Variants in SORCS3 observed in about 807,000 individuals in gnomAD.
SORCS3 encodes sortilin related VPS10 domain containing receptor 3.
In SORCS3, 57 loss-of-function variants were observed where a neutral mutation model predicts 146.3. The observed-to-expected ratio is 0.39, with a 90% CI of 0.31 to 0.49. The LOEUF (loss-of-function observed/expected upper bound fraction) is 0.49, where lower values mean the gene tolerates loss of function less well. SORCS3 is among the 20% of genes least tolerant of loss of function. The pLI is 0.92. For synonymous variants in SORCS3, 653 were observed against 618.5 expected (o/e 1.06, Z -0.83); for missense variants, 1,341 against 1,575.5 (o/e 0.85, Z 2.52).
intron 2 of SORCS3, among the ~76,000 whole-genome samples, chr10:104,856,351 T>G (rs570853748): frequency 1.1e-4 from 16 of 150,434 alleles, no homozygotes; most frequent in African/African-American, 3.2e-4. Flanking sequence ...TATTTATATA[T>G]ATAGAGAGAA....
Position 104,757,684 on chromosome 10 carries a change from T to C in SORCS3, c.628-85108T>C, listed in dbSNP as rs552932315. Among the ~76,000 whole-genome samples, 12 of 152,258 alleles carry C rather than the reference T, an allele frequency of 7.9e-5. No homozygotes were observed. The South Asian group carries it at 2.5e-3, about 32-fold the overall frequency. ...GGTGGCTTGAAATTCAGTTCGGGGG[T>C]GTGAACTTTCTCTTCATTTTTTTCT... On this transcript the variant is annotated intron_variant, in intron 1 of 26. Transcript: ENST00000369701.
intron 2 of SORCS3, among the ~76,000 whole-genome samples, chr10:104,874,938 C>T (rs1332525478): frequency 6.6e-6 from 1 of 152,156 alleles, no homozygotes; most frequent in Non-Finnish European, 1.5e-5. Context: ...ACTACCTTAC[C>T]ATAATAACTT....
At position 104,863,409 on chromosome 10, in the gene SORCS3, G is replaced by C. The variant is rs141358148; in HGVS notation, c.695+20550G>C. ...TCCTCTTACGCATTTTTAGGACCTAGGATGTGTTCTGTTTTCTCCCATAGC... is the reference window on the plus strand; with the variant it reads ...TCCTCTTACGCATTTTTAGGACCTACGATGTGTTCTGTTTTCTCCCATAGC... On this transcript the variant is annotated intron_variant, in intron 2 of 26. Coordinates refer to ENST00000369701, the MANE Select transcript of SORCS3 (RefSeq NM_014978.3). 3.3e-3 allele frequency among the ~76,000 whole-genome samples: 507 copies of C among 152,274 alleles called. 2 individuals are homozygous for C. Among genetic ancestry groups the C allele is most frequent in the South Asian group, 0.018 (88 of 4,820 alleles).
At chr10:104,730,166 G>A (rs1354338780) in intron 1 of SORCS3, among the ~76,000 whole-genome samples, 1 of 152,166 alleles carries the variant, frequency 6.6e-6, no homozygotes, top group East Asian at 1.9e-4. Context: ...CATGTGAGAT[G>A]TATGCATATA....
intron 2 of SORCS3, among the ~76,000 whole-genome samples, chr10:104,894,643 C>T (rs1021909443): frequency 7.9e-5 from 12 of 152,060 alleles, no homozygotes; most frequent in African/African-American, 1.4e-4. Context: ...GACCCATGCA[C>T]GAGGTATTTC....
At chr10:104,944,299 G>A (rs2019348155) in intron 3 of SORCS3, among the ~76,000 whole-genome samples, 1 of 152,108 alleles carries the variant, frequency 6.6e-6, no homozygotes, top group Admixed American at 6.6e-5. Flanking sequence ...CATGACTTCT[G>A]TATGGGCAAA....
At chr10:105,142,552 G>T (rs1312186777) in intron 8 of SORCS3, among the ~76,000 whole-genome samples, 2 of 152,136 alleles carry the variant, frequency 1.3e-5, no homozygotes, top group Non-Finnish European at 2.9e-5. Flanking sequence ...TTGAGCTTGT[G>T]TAACCAATGG....
chr10:104,883,900 G>A (rs991103405), intron 2 of SORCS3, among the ~76,000 whole-genome samples: 1 of 151,076 alleles, frequency 6.6e-6, no homozygotes, highest in Non-Finnish European at 1.5e-5. Flanking sequence ...TGACTCCTGG[G>A]TTTTCTTTTT....
chr10:104,778,686 G>A (rs2017340112), intron 1 of SORCS3, among the ~76,000 whole-genome samples: 3 of 152,172 alleles, frequency 2.0e-5, no homozygotes. Context: ...AATATCCCAG[G>A]CACCGTGTTA....
At chr10:104,944,811 T>C (rs57695054) in intron 3 of SORCS3, among the ~76,000 whole-genome samples, 17,229 of 152,160 alleles carry the variant, frequency 0.11, 1,542 homozygotes, top group African/African-American at 0.26. Flanking sequence ...GCTGAATATA[T>C]ACACACCCTG....
At chr10:104,862,567 A>C (rs2018416617) in intron 2 of SORCS3, among the ~76,000 whole-genome samples, 1 of 151,896 alleles carries the variant, frequency 6.6e-6, no homozygotes, top group African/African-American at 2.4e-5. Flanking sequence ...ATTTCTTCAT[A>C]TGGACTTTTC....
chr10:105,067,970 C>T (rs971807752), intron 5 of SORCS3, among the ~76,000 whole-genome samples: 3 of 151,924 alleles, frequency 2.0e-5, no homozygotes, highest in Non-Finnish European at 4.4e-5. Flanking sequence ...GACACATTTC[C>T]CCACTCTCAT....
intron 2 of SORCS3, among the ~76,000 whole-genome samples, chr10:104,858,122 ATATT>A (rs2018355205): frequency 6.6e-6 from 1 of 152,224 alleles, no homozygotes; most frequent in Non-Finnish European, 1.5e-5. Flanking sequence ...TCTTTTGTGA[ATATT>A]TAAATTCTTG....
At chr10:104,736,645 TG>T (rs2016776555) in intron 1 of SORCS3, among the ~76,000 whole-genome samples, 1 of 152,218 alleles carries the variant, frequency 6.6e-6, no homozygotes. Flanking sequence ...GTTGTCTTTT[TG>T]GGAAGTGAGT....
At chr10:105,239,514 T>C (rs1193174617) in intron 20 of SORCS3, among the ~76,000 whole-genome samples, 2 of 152,304 alleles carry the variant, frequency 1.3e-5, no homozygotes, top group East Asian at 3.9e-4. Flanking sequence ...CACAGAGCTT[T>C]GTCGATTTCT....
chr10:105,171,571 G>A (rs1453455713), intron 13 of SORCS3, among the ~76,000 whole-genome samples: 1 of 152,152 alleles, frequency 6.6e-6, no homozygotes, highest in Non-Finnish European at 1.5e-5. Flanking sequence ...CTAGCATTTT[G>A]TTCAGAGAAA....
At chr10:105,242,208 C>T (rs2056827564) in intron 20 of SORCS3, among the ~76,000 whole-genome samples, 2 of 146,258 alleles carry the variant, frequency 1.4e-5, no homozygotes, top group Non-Finnish European at 3.0e-5. Context: ...CCTAATTGTC[C>T]TGCATCTTCA....
chr10:105,055,901 G>T (rs906351741), intron 5 of SORCS3, among the ~76,000 whole-genome samples: 1 of 152,156 alleles, frequency 6.6e-6, no homozygotes, highest in African/African-American at 2.4e-5. Flanking sequence ...AGATTGTGTT[G>T]TATCAGATCA....
At chr10:105,201,549 T>A (rs956317441) in intron 16 of SORCS3, among the ~76,000 whole-genome samples, 1 of 152,172 alleles carries the variant, frequency 6.6e-6, no homozygotes, top group East Asian at 1.9e-4. Flanking sequence ...ACTGGAGAAG[T>A]TGTGCTGGGC....
Sources: allele counts gnomAD v4.1 joint callset (sites outside exome capture counted in the v4.1 genomes callset), GRCh38; gene constraint gnomAD v4.1.1; transcripts MANE v1.5; gene names NCBI Gene and HGNC (gene_info 2026-07-23, HGNC 2026-07-21).